The following DNAJB6 variants were observed in gnomAD, a reference collection of about 807,000 sequenced individuals.
The protein encoded by DNAJB6 is dnaJ homolog subfamily B member 6.
DNAJB6 carries 16 observed loss-of-function variants against 42.7 expected under a neutral mutation model. That is an observed-to-expected ratio of 0.37 (90% CI 0.25 to 0.57). The LOEUF (loss-of-function observed/expected upper bound fraction) is 0.57, where lower values mean the gene tolerates loss of function less well. Among genes scored for constraint, DNAJB6 ranks in the 20% least tolerant of loss-of-function variants. The pLI is 0.74. For synonymous variants in DNAJB6, 170 were observed against 163.5 expected (o/e 1.04, Z -0.30); for missense variants, 347 against 416.8 (o/e 0.83, Z 1.46).
At chr7:157,398,068 C>T (rs1030802322) in intron 8 of DNAJB6, among the ~76,000 whole-genome samples, 7 of 152,214 alleles carry the variant, frequency 4.6e-5, no homozygotes, top group Admixed American at 1.3e-4. Context: ...TGTTTGAAGC[C>T]GGGTTCCTAG....
At chr7:157,353,151 C>T (rs1799085268) in intron 1 of DNAJB6, among the ~76,000 whole-genome samples, 1 of 150,338 alleles carries the variant, frequency 6.7e-6, no homozygotes, top group African/African-American at 2.4e-5. Flanking sequence ...TGGTCTTGAA[C>T]TGCTGGGCTC....
chr7:157,390,657 T>G (rs945892525), intron 8 of DNAJB6, among the ~76,000 whole-genome samples: 1 of 152,114 alleles, frequency 6.6e-6, no homozygotes, highest in East Asian at 1.9e-4. Flanking sequence ...TTGCTTCCCG[T>G]GTGGTCAGCG....
chr7:157,343,555 C>T (rs1411403893), intron 1 of DNAJB6, among the ~76,000 whole-genome samples: 1 of 152,046 alleles, frequency 6.6e-6, no homozygotes, highest in Non-Finnish European at 1.5e-5. Flanking sequence ...TGCAAACTCT[C>T]CCGGGTTCAA....
chr7:157,341,088 C>G (rs1798354629), intron 1 of DNAJB6, among the ~76,000 whole-genome samples: 1 of 151,912 alleles, frequency 6.6e-6, no homozygotes, highest in African/African-American at 2.4e-5. Context: ...TGTCAAAGTG[C>G]TAGAATTACA....
chr7:157,341,016 T>G (rs1391986701), intron 1 of DNAJB6, among the ~76,000 whole-genome samples: 1 of 106,230 alleles, frequency 9.4e-6, no homozygotes, highest in Non-Finnish European at 2.2e-5. Context: ...GCAGGTGGAA[T>G]CACCCTGTGT....
Position 157,385,657 on chromosome 7 carries a change from G to A in DNAJB6, c.691+46G>A, listed in dbSNP as rs200846260. 179 of 1,608,966 alleles carry A rather than the reference G, an allele frequency of 1.1e-4. No homozygotes were observed. The East Asian group carries it at 3.1e-3, about 28-fold the overall frequency. On this transcript the variant is annotated intron_variant, in intron 8 of 9. Coordinates refer to ENST00000262177, the MANE Select transcript of DNAJB6 (RefSeq NM_058246.4). ...TTGGATAACAAGTAATTCAACGCAC[G>A]CACTTAACAGAAATGTTAAACTATA...
Position 157,382,303 on chromosome 7 carries a change from G to T in DNAJB6, c.404G>T (p.Arg135Leu), listed in dbSNP as rs772121051. The T allele has an allele frequency of 3.7e-6, 6 of 1,612,144 alleles. No homozygotes were observed. The highest frequency in any genetic ancestry group is 1.7e-5 in the Admixed American group (1 of 59,566). Residue 135 changes from arginine to leucine, a missense_variant, in exon 6 of 10, where the codon CGA becomes CTA. By Grantham distance (102) the Arg-to-Leu change is moderately radical (BLOSUM62 -2). Coordinates refer to ENST00000262177, the MANE Select transcript of DNAJB6 (RefSeq NM_058246.4). ...NRRGPRGSRS[R>L]GTGSFFSAFS... Reference sequence around the variant, plus strand: ...AGGGGTCCCCGAGGAAGCAGAAGCCGAGGGACGGGGTCGTTTTTCTCTGCG... The same window carrying T: ...AGGGGTCCCCGAGGAAGCAGAAGCCTAGGGACGGGGTCGTTTTTCTCTGCG...
At chr7:157,386,296 T>C in intron 8 of DNAJB6, 1 of 985,222 alleles carries the variant, frequency 1.0e-6, no homozygotes, top group Non-Finnish European at 1.2e-6. Context: ...GCGAATGTGT[T>C]GGTGCATTCT....
chr7:157,408,990 C>T (rs2116641033), intron 8 of DNAJB6, among the ~76,000 whole-genome samples: 1 of 152,368 alleles, frequency 6.6e-6, no homozygotes, highest in Non-Finnish European at 1.5e-5. Flanking sequence ...CGGCCTCGCA[C>T]ACTTGCTCCT....
chr7:157,371,190 AT>A (rs575328507), intron 5 of DNAJB6, among the ~76,000 whole-genome samples: 54 of 152,302 alleles, frequency 3.5e-4, no homozygotes, highest in African/African-American at 1.3e-3. Context: ...GTGTGGAAGA[AT>A]TGTCTTCCAT....
chr7:157,349,208 C>T (rs1448023170), intron 1 of DNAJB6, among the ~76,000 whole-genome samples: 1 of 152,084 alleles, frequency 6.6e-6, no homozygotes, highest in Non-Finnish European at 1.5e-5. Context: ...ACATGCCTGT[C>T]TTCCACTAAA....
chr7:157,344,651 G>A (rs1364954912), intron 1 of DNAJB6, among the ~76,000 whole-genome samples: 7 of 151,884 alleles, frequency 4.6e-5, no homozygotes, highest in Admixed American at 1.3e-4. Context: ...GTCTTGCTCC[G>A]TTACGTAGGC....
Position 157,363,304 on chromosome 7 carries a change from C to T in DNAJB6, c.175+34C>T, listed in dbSNP as rs202182637. Reference sequence around the variant, plus strand: ...CAGCGAGCTGCTGAAGGACCCTGAGCGGGCATGCCGGAATGCGGAGTGGGT... The same window carrying T: ...CAGCGAGCTGCTGAAGGACCCTGAGTGGGCATGCCGGAATGCGGAGTGGGT... On this transcript the variant is annotated intron_variant, in intron 3 of 9. Coordinates refer to ENST00000262177, the MANE Select transcript of DNAJB6 (RefSeq NM_058246.4). 149 of 1,444,370 alleles carry T rather than the reference C, an allele frequency of 1.0e-4. No individual in the cohort carries two copies. In the Middle Eastern group the frequency reaches 2.3e-3, roughly 22 times the overall value. 89.5% of individuals were successfully genotyped at this position (1,444,370 alleles called of 1,614,324 possible).
At chr7:157,354,526 T>G (rs1185133463) in intron 1 of DNAJB6, among the ~76,000 whole-genome samples, 1 of 152,020 alleles carries the variant, frequency 6.6e-6, no homozygotes, top group Non-Finnish European at 1.5e-5. Context: ...CACCCCAAGC[T>G]GGAGTGCTGT....
At chr7:157,405,058 G>A (rs548422847) in intron 8 of DNAJB6, among the ~76,000 whole-genome samples, 30 of 152,344 alleles carry the variant, frequency 2.0e-4, no homozygotes, top group East Asian at 7.7e-4. Context: ...CATGTTGAGC[G>A]CCAGAAGCAG....
chr7:157,352,036 C>G (rs1799010925), intron 1 of DNAJB6, among the ~76,000 whole-genome samples: 1 of 151,864 alleles, frequency 6.6e-6, no homozygotes, highest in South Asian at 2.1e-4. Flanking sequence ...CAAAACTTCT[C>G]AATTTAAAAT....
In DNAJB6 at chr7:157,417,337, G is replaced by A. The variant is rs1007885376; in HGVS notation, c.*1239G>A. 6.6e-6 allele frequency: 1 copy of A among 152,334 alleles called. No homozygotes were observed. Among genetic ancestry groups the A allele is most frequent in the East Asian group, 1.9e-4 (1 of 5,188 alleles). 9.4% of individuals were successfully genotyped at this position (152,334 alleles called of 1,614,324 possible). On this transcript the variant is annotated 3_prime_UTR_variant, in exon 10 of 10. Coordinates refer to ENST00000262177, the MANE Select transcript of DNAJB6 (RefSeq NM_058246.4). ...GCTTTGTTTATTTGGTTTTGGCGGG[G>A]AGAGGAGTGGTATTTGATGCTTTCT...
chr7:157,415,807 A>G (rs543523317), intron 9 of DNAJB6, among the ~76,000 whole-genome samples: 47 of 152,316 alleles, frequency 3.1e-4, no homozygotes, highest in Non-Finnish European at 5.9e-4. Flanking sequence ...ACTTCTCTGC[A>G]GGGTGGTGAA....
intron 8 of DNAJB6, among the ~76,000 whole-genome samples, chr7:157,401,188 A>G (rs1801842746): frequency 6.6e-6 from 1 of 151,928 alleles, no homozygotes; most frequent in South Asian, 2.1e-4. Flanking sequence ...AGAGCTCTTC[A>G]GTCGTGTACA....
Sources: gnomAD v4.1 joint callset for allele counts (sites outside exome capture counted in the v4.1 genomes callset) on GRCh38, gnomAD v4.1.1 for gene constraint, MANE v1.5 for transcripts, NCBI Gene and HGNC (gene_info 2026-07-23, HGNC 2026-07-21) for gene names.